The following GOLGA7B variants were observed in gnomAD, a reference collection of about 807,000 sequenced individuals.
GOLGA7B encodes golgin subfamily A member 7B.
In GOLGA7B, 17 loss-of-function variants were observed where a neutral mutation model predicts 21.5. The ratio of observed to expected loss-of-function variants is 0.79; its 90% CI spans 0.54 to 1.19. The LOEUF (loss-of-function observed/expected upper bound fraction) is 1.19. Ranked by LOEUF, GOLGA7B falls within the 50% of genes most tolerant of loss-of-function variation. The pLI is 0.00. For missense variants in GOLGA7B, 169 were observed against 224.4 expected (o/e 0.75, Z 1.58); for synonymous variants, 87 against 84.0 (o/e 1.04, Z -0.19).
chr10:97,864,350 G>A, intron 4 of GOLGA7B, 81 bp downstream of exon 4: 1 of 1,181,868 alleles, frequency 8.5e-7, no homozygotes, highest in East Asian at 2.5e-5. Context: ...AGGAAACGAG[G>A]CCACCTTAGG....
rs115826178 is a variant in GOLGA7B at position 97,854,224 on chromosome 10, A to G, written c.12+3909A>G. On this transcript the variant is annotated intron_variant, in intron 1 of 4. Transcript: ENST00000370602. ...TCATAATCCCTGATAAAGCCTCTAG[A>G]ATGTCAGAGATGAAAGGGGCTTGAG... 7.7e-3 allele frequency among the ~76,000 whole-genome samples: 1,179 copies of G among 152,302 alleles called. 16 individuals are homozygous for G. The highest frequency in any genetic ancestry group is 0.027 in the African/African-American group (1,130 of 41,558).
At chr10:97,861,381 TA>T (rs2049970346) in intron 2 of GOLGA7B, among the ~76,000 whole-genome samples, 1 of 152,252 alleles carries the variant, frequency 6.6e-6, no homozygotes, top group Non-Finnish European at 1.5e-5. Context: ...AGGGAAAGCT[TA>T]GAGACTCAAA....
intron 1 of GOLGA7B, among the ~76,000 whole-genome samples, chr10:97,851,651 T>A (rs558606580): frequency 6.6e-6 from 1 of 152,346 alleles, no homozygotes; most frequent in South Asian, 2.1e-4. Flanking sequence ...GCTGCCAGAC[T>A]GCAGCAGAGG....
intron 1 of GOLGA7B, among the ~76,000 whole-genome samples, chr10:97,858,537 G>A (rs2136515185): frequency 6.6e-6 from 1 of 152,338 alleles, no homozygotes; most frequent in Middle Eastern, 3.4e-3. Context: ...GGCTTGTTCT[G>A]TGGAATTGAG....
At chr10:97,856,826 C>A (rs968493130) in intron 1 of GOLGA7B, among the ~76,000 whole-genome samples, 4 of 152,088 alleles carry the variant, frequency 2.6e-5, no homozygotes, top group African/African-American at 9.7e-5. Context: ...TTCTCTGATG[C>A]TTATTGATGT....
Position 97,865,834 on chromosome 10 carries a change from G to A in GOLGA7B, c.*134G>A. On this transcript the variant is annotated 3_prime_UTR_variant, in exon 5 of 5. Coordinates refer to ENST00000370602, the MANE Select transcript of GOLGA7B (RefSeq NM_001010917.3). ...CCTGCTGCCCGGGGTGGGAGGGAGG[G>A]TGACGGGCCTCATATTTCCTGTGGG... 1 of 1,116,788 alleles carries A rather than the reference G, an allele frequency of 9.0e-7. No homozygotes were observed. The allele number at this position is 1,116,788 out of a possible 1,614,324, so 69.2% of individuals were successfully genotyped here.
At chr10:97,863,889 C>T in intron 2 of GOLGA7B, 41 bp from the exon 3 acceptor site, 1 of 1,583,704 alleles carries the variant, frequency 6.3e-7, no homozygotes, top group Non-Finnish European at 8.6e-7. Flanking sequence ...GTGCACACTC[C>T]AGGGAGGCTA....
chr10:97,865,634 C>T lies in GOLGA7B; in HGVS notation c.438C>T (p.Ser146=), dbSNP rs1328487403. The change falls in exon 5 of 5, where the codon TCC becomes TCT. Residue 146 remains serine (S), a synonymous_variant. Transcript: ENST00000370602. The part of the protein sequence containing the change: ...IYEDRCSSGS[S]SSGSSSGSGS... ...AGGACCGGTGCAGCAGTGGCAGCTC[C>T]AGCAGCGGCAGCAGCAGCGGCAGTG... 1 of 1,612,226 alleles carries T rather than the reference C, an allele frequency of 6.2e-7. No homozygotes were observed. Among genetic ancestry groups the T allele is most frequent in the Non-Finnish European group, 8.5e-7 (1 of 1,179,386 alleles).
intron 1 of GOLGA7B, among the ~76,000 whole-genome samples, chr10:97,854,323 G>T (rs1435741570): frequency 6.6e-6 from 1 of 152,156 alleles, no homozygotes; most frequent in Non-Finnish European, 1.5e-5. Flanking sequence ...CTTTCCCAGG[G>T]CCATGTGGCC....
At chr10:97,852,541 C>T (rs1385006367) in intron 1 of GOLGA7B, among the ~76,000 whole-genome samples, 1 of 152,162 alleles carries the variant, frequency 6.6e-6, no homozygotes, top group African/African-American at 2.4e-5. Context: ...GTCATTCTCC[C>T]AAGGCTGTTT....
At chr10:97,856,775 A>G (rs2049937824) in intron 1 of GOLGA7B, among the ~76,000 whole-genome samples, 1 of 151,982 alleles carries the variant, frequency 6.6e-6, no homozygotes. Flanking sequence ...AGCTATTCTG[A>G]TTGGTGTAGC....
chr10:97,863,886 C>T, intron 2 of GOLGA7B, 44 bp from the exon 3 acceptor site: 1 of 1,580,464 alleles, frequency 6.3e-7, no homozygotes, highest in South Asian at 1.2e-5. Flanking sequence ...ACTGTGCACA[C>T]TCCAGGGAGG....
chr10:97,859,523 C>T lies in GOLGA7B; in HGVS notation c.78C>T (p.Asp26=). ...CCACCAAGGTCTTTATCCAGAGAGA[C>T]TACAGCGATGGGACCATCTGTCAGT... is the stretch of plus-strand genomic sequence containing the variant. The part of the protein sequence containing the change: ...SLATKVFIQR[D]YSDGTICQFQ... The change falls in exon 2 of 5, where the codon GAC becomes GAT. Residue 26 remains aspartate, a synonymous_variant. Transcript: ENST00000370602. 1 of 1,614,104 alleles carries T rather than the reference C, an allele frequency of 6.2e-7. No individual in the cohort carries two copies. Among genetic ancestry groups the T allele is most frequent in the Non-Finnish European group, 8.5e-7 (1 of 1,179,960 alleles).
chr10:97,859,603 C>A lies in GOLGA7B; in HGVS notation c.138+20C>A. 2 of 1,612,378 alleles carry A rather than the reference C, an allele frequency of 1.2e-6. No homozygotes were observed. The highest frequency in any genetic ancestry group is 2.2e-5 in the South Asian group (2 of 90,820). ...AGCCGGGTAAGGATGCCTTTTTCTG[C>A]ACTTGGAACCCAGGGCTGTGATGGA... On this transcript the variant is annotated intron_variant, in intron 2 of 4. Transcript: ENST00000370602.
rs1196888435 is a variant in GOLGA7B, at chr10:97,866,442, A to G, written c.*742A>G. On this transcript the variant is annotated 3_prime_UTR_variant, in exon 5 of 5. Transcript: ENST00000370602. ...ATATGGGGGTCTGGGAAACTCCGTGAAGAGACATAGCCATGCGGGGCCTGA... is the reference window on the plus strand; with the variant it reads ...ATATGGGGGTCTGGGAAACTCCGTGGAGAGACATAGCCATGCGGGGCCTGA... 1 of 152,176 alleles carries G rather than the reference A, an allele frequency of 6.6e-6. No individual in the cohort carries two copies. Among genetic ancestry groups the G allele is most frequent in the Non-Finnish European group, 1.5e-5 (1 of 68,044 alleles). 9.4% of individuals were successfully genotyped at this position (152,176 alleles called of 1,614,324 possible).
At chr10:97,856,993 T>C (rs1405217324) in intron 1 of GOLGA7B, among the ~76,000 whole-genome samples, 1 of 152,196 alleles carries the variant, frequency 6.6e-6, no homozygotes, top group Non-Finnish European at 1.5e-5. Context: ...GTCAAAGGCA[T>C]AATTTGCAAA....
intron 1 of GOLGA7B, 48 bp downstream of exon 1, chr10:97,850,363 C>G (rs1564863419): frequency 6.7e-7 from 1 of 1,494,998 alleles, no homozygotes. Context: ...TGCCGCGGGA[C>G]CAAATGCCCT....
intron 1 of GOLGA7B, among the ~76,000 whole-genome samples, chr10:97,855,450 AGAATG>A (rs1465428654): frequency 1.3e-5 from 2 of 152,250 alleles, no homozygotes; most frequent in Non-Finnish European, 2.9e-5. Context: ...AGTCCATATC[AGAATG>A]GTTTCTTCCC....
intron 1 of GOLGA7B, among the ~76,000 whole-genome samples, chr10:97,858,397 G>A (rs988324056): frequency 6.6e-6 from 1 of 152,222 alleles, no homozygotes; most frequent in Admixed American, 6.5e-5. Context: ...AATTACATGG[G>A]ATGAACTGGC....
Sources: allele counts gnomAD v4.1 joint callset (sites outside exome capture counted in the v4.1 genomes callset), GRCh38; gene constraint gnomAD v4.1.1; transcripts MANE v1.5; gene names NCBI Gene and HGNC (gene_info 2026-07-23, HGNC 2026-07-21).